Variants in FAM174B observed in about 807,000 individuals in gnomAD.
FAM174B encodes family with sequence similarity 174 member B, also known as membrane protein FAM174B.
Under a neutral mutation model 10.9 loss-of-function variants are expected in FAM174B, and 12 were observed. The observed-to-expected ratio is 1.10, with a 90% CI of 0.71 to 1.79. The LOEUF is 1.79. FAM174B is among the 40% of genes most tolerant of loss of function. FAM174B has a pLI of 0.00. For synonymous variants in FAM174B, 132 were observed against 115.8 expected (o/e 1.14, Z -0.90); for missense variants, 266 against 233.3 (o/e 1.14, Z -0.91).
rs778606057 is a variant in FAM174B at position 92,630,284 on chromosome 15, C to A, written c.406G>T (p.Val136Leu). The change falls in exon 2 of 3, where the codon GTG (valine) becomes TTG (leucine). Residue 136 changes from valine (V) to leucine (L), a missense_variant. By Grantham distance (32) the Val-to-Leu change is conservative. Transcript: ENST00000327355. ...TCTTCATTTAGTGGCGCCATTTCCA[C>A]TCGCTCTGCTGGAGTGGTGATGATA... ...YDIITTPAERVEMAPLNEEDD... is the reference protein window; with the variant it reads ...YDIITTPAERLEMAPLNEEDD... 9.9e-6 allele frequency: 16 copies of A among 1,613,760 alleles called. No individual in the cohort carries two copies. Among genetic ancestry groups the A allele is most frequent in the Middle Eastern group, 3.3e-4 (2 of 6,084 alleles).
chr15:92,630,483 A>G, intron 1 of FAM174B, 138 bp from the exon 2 acceptor site: 1 of 816,768 alleles, frequency 1.2e-6, no homozygotes. Flanking sequence ...GAGTGTGAGG[A>G]TCTGATGGAA....
rs1555421174 is a variant in FAM174B at position 92,631,432 on chromosome 15, A to AAT, written c.345-1089_345-1088dup. On this transcript the variant is annotated intron_variant, in intron 1 of 2. Transcript: ENST00000327355. ...ATATATAATATATAATATATAATAT[A>AAT]ATATATTATATATATAACATAATAT... 1.5e-4 allele frequency among the ~76,000 whole-genome samples: 6 copies of AAT among 39,216 alleles called. 1 individual carries two copies. The highest frequency in any genetic ancestry group is 8.2e-4 in the African/African-American group (6 of 7,342). The allele number at this position is 39,216 out of a possible 152,430, so 25.7% of individuals were successfully genotyped here.
chr15:92,625,900 C>T (rs2050749321), intron 2 of FAM174B, among the ~76,000 whole-genome samples: 2 of 152,268 alleles, frequency 1.3e-5, no homozygotes, highest in East Asian at 3.9e-4. Context: ...AGTTCACTCA[C>T]ATTCTGATTT....
At chr15:92,639,402 C>T (rs1440810637) in intron 1 of FAM174B, among the ~76,000 whole-genome samples, 1 of 152,224 alleles carries the variant, frequency 6.6e-6, no homozygotes, top group Admixed American at 6.5e-5. Flanking sequence ...CAGTAAGATA[C>T]CGACCAATTT....
In FAM174B at chr15:92,639,916, T is replaced by A. The variant is rs545522114; in HGVS notation, c.345-9571A>T. Among the ~76,000 whole-genome samples the A allele has an allele frequency of 4.6e-5, 7 of 152,282 alleles. No individual in the cohort carries two copies. The South Asian group carries it at 8.3e-4, about 18-fold the overall frequency. On this transcript the variant is annotated intron_variant, in intron 1 of 2. Coordinates refer to ENST00000327355, the MANE Select transcript of FAM174B (RefSeq NM_207446.3). ...ATTAGCCAATACCCAGTCTCAGGTA[T>A]TTCTTTATAGCAGTGCAAGAACAGA...
At chr15:92,631,517 T>C (rs1459726881) in intron 1 of FAM174B, among the ~76,000 whole-genome samples, 1 of 119,336 alleles carries the variant, frequency 8.4e-6, no homozygotes, top group South Asian at 2.4e-4. Context: ...TTTTTTAAGA[T>C]GGAGTCTCGC....
At chr15:92,619,771 A>C in intron 2 of FAM174B, 1 of 436,212 alleles carries the variant, frequency 2.3e-6, no homozygotes, top group Non-Finnish European at 4.1e-6. Flanking sequence ...GGGTTGGAAA[A>C]CTTCTTCTGT....
chr15:92,648,666 G>A (rs892885800), intron 1 of FAM174B, among the ~76,000 whole-genome samples: 7 of 151,878 alleles, frequency 4.6e-5, no homozygotes, highest in Non-Finnish European at 7.4e-5. Context: ...TAGGCGGAAG[G>A]AGCTCTGAAT....
intron 1 of FAM174B, among the ~76,000 whole-genome samples, chr15:92,630,697 A>ATATATTATATAATTATATATTTTT (rs1335719969): frequency 4.3e-5 from 6 of 139,318 alleles, no homozygotes; most frequent in Admixed American, 2.2e-4. Context: ...TATTTTATAT[A>ATATATTATATAATTATATATTTTT]TATATTATAT....
At chr15:92,655,293 A>C in intron 1 of FAM174B, 23 bp downstream of exon 1, 1 of 1,513,774 alleles carries the variant, frequency 6.6e-7, no homozygotes, top group Non-Finnish European at 8.9e-7. Flanking sequence ...CGGCGGGGGA[A>C]GGAAGAGGGC....
chr15:92,641,099 C>T (rs558426176), intron 1 of FAM174B, among the ~76,000 whole-genome samples: 12 of 152,118 alleles, frequency 7.9e-5, no homozygotes, highest in African/African-American at 1.2e-4. Context: ...TAAATGGCTC[C>T]GCATTCTTAA....
intron 1 of FAM174B, among the ~76,000 whole-genome samples, chr15:92,631,935 G>A (rs1034577109): frequency 6.6e-6 from 1 of 152,210 alleles, no homozygotes; most frequent in Non-Finnish European, 1.5e-5. Flanking sequence ...GGAGAGTTGG[G>A]TCAGAAACAG....
rs1307416325 is a variant in FAM174B, at chr15:92,655,714, T to C, written c.-55A>G. 9 of 1,216,614 alleles carry C rather than the reference T, an allele frequency of 7.4e-6. No individual in the cohort carries two copies. Among genetic ancestry groups the C allele is most frequent in the Admixed American group, 4.0e-5 (1 of 25,176 alleles). 75.4% of individuals were successfully genotyped at this position (1,216,614 alleles called of 1,614,324 possible). A position where few individuals can be genotyped will look rare whatever the true frequency, so the allele number is the denominator to read the frequency against. On this transcript the variant is annotated 5_prime_UTR_variant, in exon 1 of 3. Transcript: ENST00000327355. ...GGGCGCGCGCGGCTGAGCTCCAGGA[T>C]CCGCACCAGCACGGAGGCCTGCACC...
intron 1 of FAM174B, 26 bp downstream of exon 1, chr15:92,655,290 G>T: frequency 6.6e-7 from 1 of 1,516,244 alleles, no homozygotes; most frequent in Non-Finnish European, 8.9e-7. Context: ...GGCCGGCGGG[G>T]GAAGGAAGAG....
At chr15:92,622,615 G>T (rs1318387960) in intron 2 of FAM174B, among the ~76,000 whole-genome samples, 1 of 152,246 alleles carries the variant, frequency 6.6e-6, no homozygotes, top group Admixed American at 6.5e-5. Flanking sequence ...GGCTTGGGGG[G>T]CAGAGGCTCA....
intron 1 of FAM174B, among the ~76,000 whole-genome samples, chr15:92,649,962 C>T (rs868817947): frequency 9.9e-5 from 15 of 152,276 alleles, no homozygotes; most frequent in African/African-American, 2.4e-4. Context: ...CAATGAGAAA[C>T]GACCGACTGA....
At chr15:92,655,179 G>T in intron 1 of FAM174B, 137 bp downstream of exon 1, 9 of 1,264,902 alleles carry the variant, frequency 7.1e-6, no homozygotes, top group Non-Finnish European at 9.2e-6. Flanking sequence ...ACTCTCCCGG[G>T]CAGGGCAGGA....
At chr15:92,631,461 T>TA (rs376859354) in intron 1 of FAM174B, among the ~76,000 whole-genome samples, 823 of 62,116 alleles carry the variant, frequency 0.013, 14 homozygotes, top group African/African-American at 0.022. Context: ...ATAATATATA[T>TA]TATATATAAT....
chr15:92,655,432 G>A lies in FAM174B; in HGVS notation c.228C>T (p.Ala76=), dbSNP rs779531433. The change falls in exon 1 of 3, where the codon GCC becomes GCT. Residue 76 remains alanine (A), a synonymous_variant. Transcript: ENST00000327355. ...GGAGGATGGAAATGCGGGTCACCAA[G>A]GCGTCGCCACTGCTGTTGGAGCTGG... The part of the protein sequence containing the change: ...GSSSSNSSGD[A]LVTRISILLR... 1 of 1,544,758 alleles carries A rather than the reference G, an allele frequency of 6.5e-7. No individual in the cohort carries two copies. Among genetic ancestry groups the A allele is most frequent in the South Asian group, 1.2e-5 (1 of 86,282 alleles).
Sources: allele counts gnomAD v4.1 joint callset (sites outside exome capture counted in the v4.1 genomes callset), GRCh38; gene constraint gnomAD v4.1.1; transcripts MANE v1.5; gene names NCBI Gene and HGNC (gene_info 2026-07-23, HGNC 2026-07-21).